The following AFDN variants were observed in gnomAD, a reference collection of about 807,000 sequenced individuals.
AFDN encodes afadin.
In AFDN, 68 loss-of-function variants were observed where a neutral mutation model predicts 216.6. The ratio of observed to expected loss-of-function variants is 0.31; its 90% CI spans 0.26 to 0.38. The LOEUF (loss-of-function observed/expected upper bound fraction) is 0.38, where lower values mean the gene tolerates loss of function less well. Ranked by LOEUF, AFDN falls within the 10% of genes least tolerant of loss-of-function variation. AFDN has a pLI of 1.00. For synonymous variants in AFDN, 868 were observed against 853.7 expected, an observed-to-expected ratio of 1.02 and a Z score of -0.29; for missense variants, 2,136 against 2,342.0, an observed-to-expected ratio of 0.91 and a Z score of 1.82.
rs142199718 is a variant in AFDN, at chr6:167,885,756, G to A, written c.898-3459G>A. On this transcript the variant is annotated intron_variant, in intron 6 of 33. Transcript: ENST00000683244. Reference sequence around the variant, plus strand: ...TAGGCGTGCTCAACGCAGGCTTGCCGCAAACCTTCAACTTACATTTGTTTT... The same window carrying A: ...TAGGCGTGCTCAACGCAGGCTTGCCACAAACCTTCAACTTACATTTGTTTT... 3.2e-4 allele frequency among the ~76,000 whole-genome samples: 49 copies of A among 152,364 alleles called. No individual in the cohort carries two copies. The East Asian group carries it at 8.7e-3, about 27-fold the overall frequency.
rs1225910786 is a variant in AFDN, at chr6:167,943,434, C to G, written c.3198C>G (p.Leu1066=). 18 of 1,614,166 alleles carry G rather than the reference C, an allele frequency of 1.1e-5. No homozygotes were observed. The highest frequency in any genetic ancestry group is 1.5e-5 in the Non-Finnish European group (18 of 1,180,006). The change falls in exon 25 of 34, where the codon CTC becomes CTG. Residue 1066 remains leucine (L), a synonymous_variant. Coordinates refer to ENST00000683244, the MANE Select transcript of AFDN (RefSeq NM_001386888.1). ...GTCTAGCTGCAGGTGATCAGCTCCTCAGTGTGGATGGACGAAGTCTGGTTG... is the reference window on the plus strand; with the variant it reads ...GTCTAGCTGCAGGTGATCAGCTCCTGAGTGTGGATGGACGAAGTCTGGTTG... ...DGRLAAGDQL[L]SVDGRSLVGL... is the part of the protein sequence containing the mutation.
At chr6:167,957,089 G>A (rs1038365140) in intron 30 of AFDN, among the ~76,000 whole-genome samples, 1 of 152,054 alleles carries the variant, frequency 6.6e-6, no homozygotes, top group Admixed American at 6.6e-5. Context: ...ATGTTGGGCC[G>A]TCGGGAGGGT....
At chr6:167,928,867 A>G (rs1234336304) in intron 23 of AFDN, among the ~76,000 whole-genome samples, 1 of 152,206 alleles carries the variant, frequency 6.6e-6, no homozygotes, top group Non-Finnish European at 1.5e-5. Context: ...CTCTTACACA[A>G]GGAAGCCTCA....
At position 167,951,383 on chromosome 6, in the gene AFDN, C is replaced by G; in HGVS notation, c.4029C>G (p.Thr1343=). The G allele has an allele frequency of 2.5e-6, 4 of 1,614,120 alleles. No individual in the cohort carries two copies. Among genetic ancestry groups the G allele is most frequent in the Non-Finnish European group, 3.4e-6 (4 of 1,180,028 alleles). Residue 1343 remains threonine, a synonymous_variant, in exon 30 of 34, where the codon ACC becomes ACG. Coordinates refer to ENST00000683244, the MANE Select transcript of AFDN (RefSeq NM_001386888.1). The surrounding 1 kb of genome is among the most constrained non-coding windows in gnomAD (Gnocchi z 7.1). ...CGGTCACCCCTGCTTCCACACTGAC[C>G]AAAAGTGGCCCTGGCCGTTGGAAAA... ...SKSVTPASTL[T]KSGPGRWKTP...
intron 23 of AFDN, among the ~76,000 whole-genome samples, chr6:167,931,048 CAA>C (rs1195031846): frequency 1.3e-5 from 2 of 152,094 alleles, no homozygotes; most frequent in Non-Finnish European, 2.9e-5. Flanking sequence ...GTGCAGAGGA[CAA>C]AGGCGTTCTG....
intron 2 of AFDN, among the ~76,000 whole-genome samples, chr6:167,869,451 A>G (rs1241992103): frequency 6.6e-6 from 1 of 152,254 alleles, no homozygotes; most frequent in African/African-American, 2.4e-5. Flanking sequence ...AATTTGTAGC[A>G]CTGGCTCAAA....
intron 6 of AFDN, among the ~76,000 whole-genome samples, chr6:167,887,012 C>CAA (rs67970460): frequency 8.8e-5 from 8 of 90,474 alleles, no homozygotes; most frequent in African/African-American, 2.0e-4. Flanking sequence ...GAGACTGTAT[C>CAA]AAAAAAAAAA....
chr6:167,948,604 G>T, intron 29 of AFDN, 126 bp downstream of exon 29: 1 of 921,592 alleles, frequency 1.1e-6, no homozygotes, highest in Non-Finnish European at 1.6e-6. Flanking sequence ...TAATGGTTTT[G>T]TGGTTAAGTT....
chr6:167,899,240 C>T (rs1019387389), intron 11 of AFDN, among the ~76,000 whole-genome samples: 11 of 152,046 alleles, frequency 7.2e-5, no homozygotes, highest in African/African-American at 1.9e-4. Flanking sequence ...AAGATGAATA[C>T]TTGGTGGGTT....
chr6:167,946,367 C>T (rs75883164), intron 26 of AFDN, among the ~76,000 whole-genome samples: 1 of 151,980 alleles, frequency 6.6e-6, no homozygotes, highest in Admixed American at 6.6e-5. Flanking sequence ...ATTAAAAGTT[C>T]AGATATTTTT....
rs145530863 is a variant in AFDN at position 167,852,403 on chromosome 6, A to G, written c.106-12148A>G. Among the ~76,000 whole-genome samples, 121 of 152,242 alleles carry G rather than the reference A, an allele frequency of 7.9e-4. 4 individuals carry two copies. The East Asian group carries it at 0.02, about 25-fold the overall frequency. ...TTACCTGTATCTTTTACAGGGTGGT[A>G]GTGGTTTGACATGTTTCTCTAGCTT... On this transcript the variant is annotated intron_variant, in intron 1 of 33. Transcript: ENST00000683244.
intron 31 of AFDN, chr6:167,964,897 T>C: frequency 9.4e-7 from 1 of 1,063,582 alleles, no homozygotes; most frequent in Non-Finnish European, 1.1e-6. Context: ...TTGTCAATCT[T>C]TAACAAAACT....
intron 2 of AFDN, among the ~76,000 whole-genome samples, chr6:167,868,835 TCAC>T (rs1784485553): frequency 6.6e-6 from 1 of 150,562 alleles, no homozygotes; most frequent in African/African-American, 2.4e-5. Context: ...CCGTCACAGT[TCAC>T]TGTGGCCTCA....
chr6:167,923,656 G>T (rs190931465), intron 22 of AFDN, among the ~76,000 whole-genome samples: 2 of 125,076 alleles, frequency 1.6e-5, no homozygotes. Flanking sequence ...ACAGAGTCTC[G>T]CTCAGTCGCC....
intron 1 of AFDN, among the ~76,000 whole-genome samples, chr6:167,838,756 C>T (rs1014728183): frequency 9.9e-5 from 15 of 152,162 alleles, no homozygotes; most frequent in African/African-American, 3.6e-4. Flanking sequence ...AACAGTGAAG[C>T]TTGGCGAGTA....
intron 19 of AFDN, among the ~76,000 whole-genome samples, chr6:167,916,046 C>T (rs1045242079): frequency 1.3e-5 from 2 of 152,190 alleles, no homozygotes; most frequent in Non-Finnish European, 2.9e-5. Context: ...GCCCTGGAGG[C>T]CAGAAGTTGA....
chr6:167,896,601 T>A (rs916483901), intron 9 of AFDN, among the ~76,000 whole-genome samples: 8 of 152,238 alleles, frequency 5.3e-5, no homozygotes, highest in African/African-American at 1.9e-4. Flanking sequence ...TCCAGGGCAG[T>A]GCGGTAGAGA....
chr6:167,848,937 T>G (rs1781993099), intron 1 of AFDN, among the ~76,000 whole-genome samples: 1 of 152,178 alleles, frequency 6.6e-6, no homozygotes, highest in African/African-American at 2.4e-5. Flanking sequence ...TGGAACTGGG[T>G]GTTTTCCACC....
chr6:167,867,424 T>C (rs1199771398), intron 2 of AFDN, among the ~76,000 whole-genome samples: 1 of 151,752 alleles, frequency 6.6e-6, no homozygotes, highest in African/African-American at 2.4e-5. Context: ...AATTCTTTTT[T>C]TTCTTTTCTT....
Sources: gnomAD v4.1 joint callset for allele counts (sites outside exome capture counted in the v4.1 genomes callset) on GRCh38, gnomAD v4.1.1 for gene constraint, Gnocchi (gnomAD v3.1) non-coding constraint, MANE v1.5 for transcripts, NCBI Gene and HGNC (gene_info 2026-07-23, HGNC 2026-07-21) for gene names.